Variants in NAP1L4 observed in about 807,000 individuals in gnomAD.
NAP1L4 encodes the protein nucleosome assembly protein 1 like 4, also known as nucleosome assembly protein 1-like 4.
NAP1L4 carries 15 observed loss-of-function variants against 58.2 expected under a neutral mutation model. The observed-to-expected ratio is 0.26, with a 90% CI of 0.17 to 0.40. The LOEUF is 0.40. Ranked by LOEUF, NAP1L4 falls within the 10% of genes least tolerant of loss-of-function variation. NAP1L4 has a pLI of 1.00. For missense variants in NAP1L4, 384 were observed against 451.1 expected (o/e 0.85, Z 1.35); for synonymous variants, 171 against 155.6 (o/e 1.10, Z -0.74).
Position 2,978,304 on chromosome 11 carries a change from G to C in NAP1L4, c.53C>G (p.Ala18Gly). ...DGVPSDSVEA[A>G]KNASNTEKLT... ...CTGACCTGTGTTACTTGCATTTTTAGCAGCTTCCACGGAATCTGAAGGAAC... is the reference window on the plus strand; with the variant it reads ...CTGACCTGTGTTACTTGCATTTTTACCAGCTTCCACGGAATCTGAAGGAAC... Residue 18 changes from alanine to glycine, a missense_variant, in exon 3 of 16, where the codon GCT becomes GGT. By Grantham distance (60) the Ala-to-Gly change is moderately conservative. This residue lies in a region of NAP1L4 where 84 missense variants were observed against 73.7 expected (regional missense o/e 1.14). Transcript: ENST00000380542. The C allele has an allele frequency of 6.2e-7, 1 of 1,614,026 alleles. No homozygotes were observed. The highest frequency in any genetic ancestry group is 2.2e-5 in the East Asian group (1 of 44,868).
rs1001007525 is a variant in NAP1L4 at position 2,949,066 on chromosome 11, G to A, written c.*32+161C>T. Among the ~76,000 whole-genome samples the A allele has an allele frequency of 1.3e-4, 20 of 152,200 alleles. No homozygotes were observed. Among genetic ancestry groups the A allele is most frequent in the African/African-American group, 4.1e-4 (17 of 41,452 alleles). Reference sequence around the variant, plus strand: ...CAGGGACCAAATCTAGGTTTGGTTCGTTGATTTTAAAAGTACATGTAACAG... The same window carrying A: ...CAGGGACCAAATCTAGGTTTGGTTCATTGATTTTAAAAGTACATGTAACAG... On this transcript the variant is annotated intron_variant, in intron 15 of 15. Transcript: ENST00000380542. The surrounding 1 kb of genome is among the most constrained non-coding windows in gnomAD (Gnocchi z 4.0).
At chr11:2,970,718 A>C (rs2133969674) in intron 6 of NAP1L4, among the ~76,000 whole-genome samples, 1 of 152,344 alleles carries the variant, frequency 6.6e-6, no homozygotes, top group South Asian at 2.1e-4. Context: ...CAGCAAAGGC[A>C]GATTTCCCTT....
At chr11:2,970,292 C>A (rs1177473510) in intron 6 of NAP1L4, among the ~76,000 whole-genome samples, 1 of 152,220 alleles carries the variant, frequency 6.6e-6, no homozygotes, top group East Asian at 1.9e-4. Context: ...TGTACATCAA[C>A]CTTAAGGAGA....
chr11:2,987,694 C>T (rs1056099455), intron 1 of NAP1L4, among the ~76,000 whole-genome samples: 1 of 143,304 alleles, frequency 7.0e-6, no homozygotes, highest in Non-Finnish European at 1.5e-5. Flanking sequence ...GAGGCAGAGG[C>T]TGCAGTGAGC....
At chr11:2,957,707 T>G (rs866914384) in intron 10 of NAP1L4, among the ~76,000 whole-genome samples, 3 of 152,144 alleles carry the variant, frequency 2.0e-5, no homozygotes, top group African/African-American at 7.2e-5. Context: ...AGCTCAAAGG[T>G]CTCATCTTTA....
rs1564990154 is a variant in NAP1L4, at chr11:2,981,418, C to CCAA, written c.-17-2182_-17-2181insTTG. Among the ~76,000 whole-genome samples, 11 of 41,284 alleles carry CCAA rather than the reference C, an allele frequency of 2.7e-4. 2 individuals carry two copies. The South Asian group carries it at 5.5e-3, about 21-fold the overall frequency. 27.1% of individuals were successfully genotyped at this position (41,284 alleles called of 152,430 possible). A position where few individuals can be genotyped will look rare whatever the true frequency, so the allele number is the denominator to read the frequency against. ...GGACAACAGAGCAAGTACCCTGTCT[C>CCAA]AAAAAAAAAAAAAAAAAAAAAAAAA... On this transcript the variant is annotated intron_variant, in intron 1 of 15. Transcript: ENST00000380542.
intron 2 of NAP1L4, 132 bp from the exon 3 acceptor site, chr11:2,978,474 C>A: frequency 1.4e-6 from 1 of 723,682 alleles, no homozygotes. Context: ...CAGAAGAAAA[C>A]TACCAATGTG....
chr11:2,958,683 C>T, intron 9 of NAP1L4, 139 bp from the exon 10 acceptor site: 1 of 813,962 alleles, frequency 1.2e-6, no homozygotes, highest in Middle Eastern at 2.4e-4. Flanking sequence ...ATACAATGGC[C>T]CATGAAGTTC....
At chr11:2,982,840 G>T (rs1417286074) in intron 1 of NAP1L4, among the ~76,000 whole-genome samples, 2 of 152,074 alleles carry the variant, frequency 1.3e-5, no homozygotes, top group Admixed American at 1.3e-4. Context: ...GGCCAACATG[G>T]TAAAACCCCG....
chr11:2,964,115 C>G, intron 8 of NAP1L4, among the ~76,000 whole-genome samples: 1 of 151,878 alleles, frequency 6.6e-6, no homozygotes, highest in Non-Finnish European at 1.5e-5. Flanking sequence ...ATTTTTCAGT[C>G]TTATTTGCGC....
At chr11:2,987,973 G>A (rs553243160) in intron 1 of NAP1L4, 1 of 152,220 alleles carries the variant, frequency 6.6e-6, no homozygotes, top group South Asian at 2.1e-4. Flanking sequence ...CACGCATGGT[G>A]CCCGGGACTG....
intron 8 of NAP1L4, among the ~76,000 whole-genome samples, chr11:2,960,447 A>T (rs1049243830): frequency 1.3e-5 from 2 of 152,214 alleles, no homozygotes; most frequent in Non-Finnish European, 1.5e-5. Flanking sequence ...TCACTTACAA[A>T]GCACGCTACA....
At chr11:2,964,627 C>T in intron 8 of NAP1L4, 53 bp downstream of exon 8, 1 of 1,471,256 alleles carries the variant, frequency 6.8e-7, no homozygotes, top group Non-Finnish European at 9.4e-7. Context: ...GTTCTTCCAT[C>T]TTTGTGGACT....
intron 1 of NAP1L4, 37 bp from the exon 2 acceptor site, chr11:2,979,274 A>C: frequency 6.5e-7 from 1 of 1,544,124 alleles, no homozygotes. Context: ...TTATATTCAT[A>C]AGCAAAAATG....
At chr11:2,985,563 G>A (rs945522520) in intron 1 of NAP1L4, among the ~76,000 whole-genome samples, 3 of 152,212 alleles carry the variant, frequency 2.0e-5, no homozygotes, top group African/African-American at 7.2e-5. Flanking sequence ...AAATTGCTGA[G>A]AGTAGATGTT....
At chr11:2,945,742 A>G in intron 15 of NAP1L4, 96 bp from the exon 16 acceptor site, 1 of 1,012,976 alleles carries the variant, frequency 9.9e-7, no homozygotes, top group Non-Finnish European at 1.4e-6. Context: ...GAATGAGTTC[A>G]TTCTCATTGA....
intron 8 of NAP1L4, chr11:2,963,665 G>T (rs1188280364): frequency 8.3e-6 from 4 of 484,780 alleles, no homozygotes; most frequent in African/African-American, 2.0e-5. Flanking sequence ...ATTAGCCCAG[G>T]CCCCAGTGCT....
intron 1 of NAP1L4, among the ~76,000 whole-genome samples, chr11:2,983,205 C>T (rs1030896847): frequency 6.6e-6 from 1 of 152,122 alleles, no homozygotes; most frequent in Non-Finnish European, 1.5e-5. Context: ...CCTAACAGTT[C>T]CTGGCATAAT....
Position 2,951,144 on chromosome 11 carries a change from T to C in NAP1L4, c.1122+115A>G. On this transcript the variant is annotated intron_variant, in intron 14 of 15. Transcript: ENST00000380542. This position sits in a 1 kb window ranked among gnomAD's most constrained non-coding sequence, Gnocchi z 4.0. ...TATTTTTCTGACACATTTTAAACTT[T>C]CTAATTAGGGAATAATGAATATTGT... The C allele has an allele frequency of 1.2e-6, 1 of 816,110 alleles. No homozygotes were observed. Among genetic ancestry groups the C allele is most frequent in the Non-Finnish European group, 2.0e-6 (1 of 489,654 alleles). 50.6% of individuals were successfully genotyped at this position (816,110 alleles called of 1,614,324 possible).
Sources: gnomAD v4.1 joint callset for allele counts (sites outside exome capture counted in the v4.1 genomes callset) on GRCh38, gnomAD v4.1.1 for gene constraint, gnomAD v4.1.1 regional missense constraint, Gnocchi (gnomAD v3.1) non-coding constraint, MANE v1.5 for transcripts, NCBI Gene and HGNC (gene_info 2026-07-23, HGNC 2026-07-21) for gene names.